The following KALRN variants were observed in gnomAD, a reference collection of about 807,000 sequenced individuals.
KALRN encodes kalirin RhoGEF kinase, also known as kalirin.
KALRN carries 70 observed loss-of-function variants against 353.7 expected under a neutral mutation model. The ratio of observed to expected loss-of-function variants is 0.20; its 90% confidence interval spans 0.16 to 0.24. The LOEUF (loss-of-function observed/expected upper bound fraction) is 0.24, where lower values mean the gene tolerates loss of function less well. Among genes scored for constraint, KALRN ranks in the 10% least tolerant of loss-of-function variants. The pLI is 1.00. For synonymous variants in KALRN, 1,391 were observed against 1,434.8 expected (o/e 0.97, Z 0.69); for missense variants, 2,791 against 3,756.7 (o/e 0.74, Z 6.72).
intron 6 of KALRN, among the ~76,000 whole-genome samples, chr3:124,306,445 A>C (rs1439942870): frequency 2.3e-5 from 2 of 86,546 alleles, no homozygotes; most frequent in South Asian, 7.4e-4. Flanking sequence ...TATGAAGAAC[A>C]GAGAGAAAAA....
intron 1 of KALRN, among the ~76,000 whole-genome samples, chr3:124,194,870 A>G (rs1288918095): frequency 6.6e-6 from 1 of 152,118 alleles, no homozygotes; most frequent in African/African-American, 2.4e-5. Flanking sequence ...AAAGGGTTGC[A>G]TGCTGAGGAG....
intron 3 of KALRN, among the ~76,000 whole-genome samples, chr3:124,263,735 T>C (rs780985704): frequency 1.3e-5 from 2 of 152,172 alleles, no homozygotes; most frequent in African/African-American, 2.4e-5. Flanking sequence ...TTTGAAAAAG[T>C]ATTCTTTGGC....
chr3:124,612,568 C>G (rs886850905), intron 34 of KALRN, among the ~76,000 whole-genome samples: 3 of 152,192 alleles, frequency 2.0e-5, no homozygotes, highest in Non-Finnish European at 4.4e-5. Context: ...AACTCCTCAC[C>G]TCAGGTGATC....
chr3:124,112,335 A>C (rs1300468823), intron 1 of KALRN, among the ~76,000 whole-genome samples: 1 of 151,856 alleles, frequency 6.6e-6, no homozygotes, highest in Non-Finnish European at 1.5e-5. Context: ...TCCTCCAAAA[A>C]CTTGGAAACA....
At chr3:124,196,264 C>A (rs1394283049) in intron 1 of KALRN, among the ~76,000 whole-genome samples, 1 of 151,976 alleles carries the variant, frequency 6.6e-6, no homozygotes, top group African/African-American at 2.4e-5. Context: ...GTTTTAAAGG[C>A]CAGTTGGGTA....
chr3:124,242,204 A>G (rs2080546170), intron 3 of KALRN, among the ~76,000 whole-genome samples: 1 of 152,224 alleles, frequency 6.6e-6, no homozygotes, highest in Non-Finnish European at 1.5e-5. Flanking sequence ...CAGTTCCAAT[A>G]ATGTGGCTTA....
chr3:124,135,180 G>A (rs2065781370), intron 1 of KALRN, among the ~76,000 whole-genome samples: 1 of 152,144 alleles, frequency 6.6e-6, no homozygotes, highest in African/African-American at 2.4e-5. Context: ...TACATATGAT[G>A]GAATACTACT....
At chr3:124,587,194 C>T (rs2075283312) in intron 34 of KALRN, among the ~76,000 whole-genome samples, 1 of 152,156 alleles carries the variant, frequency 6.6e-6, no homozygotes, top group African/African-American at 2.4e-5. Context: ...AGGGAAAATA[C>T]AATGGAAAGG....
At chr3:124,225,842 T>C (rs1203970439) in intron 1 of KALRN, among the ~76,000 whole-genome samples, 4 of 152,190 alleles carry the variant, frequency 2.6e-5, no homozygotes, top group African/African-American at 7.2e-5. Flanking sequence ...TAGAAAAAAA[T>C]AGGAAAAGAG....
chr3:124,512,077 A>G (rs2065966497), intron 33 of KALRN, among the ~76,000 whole-genome samples: 1 of 152,204 alleles, frequency 6.6e-6, no homozygotes. Context: ...TGTTTTATGT[A>G]TATATCTCTG....
chr3:124,472,819 C>T (rs2061071022), intron 25 of KALRN, among the ~76,000 whole-genome samples: 1 of 152,112 alleles, frequency 6.6e-6, no homozygotes, highest in African/African-American at 2.4e-5. Context: ...AAATATGACA[C>T]TTTATTGACT....
chr3:124,565,596 C>A (rs1230231460), intron 34 of KALRN, among the ~76,000 whole-genome samples: 1 of 152,232 alleles, frequency 6.6e-6, no homozygotes, highest in Non-Finnish European at 1.5e-5. Context: ...AAATCAAGCA[C>A]AGCAATTCAT....
rs1383167036 is a variant in KALRN at position 124,633,851 on chromosome 3, G to A, written c.5467-1G>A. 1 of 1,613,486 alleles carries A rather than the reference G, an allele frequency of 6.2e-7. No homozygotes were observed. Among genetic ancestry groups the A allele is most frequent in the Non-Finnish European group, 8.5e-7 (1 of 1,179,652 alleles). On this transcript the variant is annotated splice_acceptor_variant, in intron 35 of 59. Coordinates refer to ENST00000682506, the MANE Select transcript of KALRN (RefSeq NM_001388419.1). LOFTEE classifies it high-confidence loss of function. ...CTAATGCTGCTCTTTTGTTCTAGAAGAGCAAGAAAGGTTGGGGTGAAGATG... is the reference window on the plus strand; with the variant it reads ...CTAATGCTGCTCTTTTGTTCTAGAAAAGCAAGAAAGGTTGGGGTGAAGATG...
Position 124,646,071 on chromosome 3 carries a change from A to G in KALRN, c.5665-4737A>G, listed in dbSNP as rs373242062. ...CTTAATAGCCATCCTAACAGTTGTG[A>G]TATGCAAATTTTTATCAAAGAGGAG... On this transcript the variant is annotated intron_variant, in intron 37 of 59. Transcript: ENST00000682506. 2.6e-5 allele frequency among the ~76,000 whole-genome samples: 4 copies of G among 152,086 alleles called. No homozygotes were observed. The East Asian group carries it at 7.7e-4, about 29-fold the overall frequency.
At chr3:124,473,114 A>G (rs186337587) in intron 25 of KALRN, among the ~76,000 whole-genome samples, 2 of 152,362 alleles carry the variant, frequency 1.3e-5, no homozygotes, top group African/African-American at 4.8e-5. Context: ...AATTGCACAT[A>G]CATATTTTTA....
chr3:124,100,222 G>GTTGTTTTGTT (rs754058197), intron 1 of KALRN: 1 of 152,104 alleles, frequency 6.6e-6, no homozygotes, highest in South Asian at 2.1e-4. Flanking sequence ...GATTATTTGG[G>GTTGTTTTGTT]TTGTTTTGTT....
At chr3:124,496,962 G>A (rs1264385342) in intron 33 of KALRN, among the ~76,000 whole-genome samples, 5 of 152,222 alleles carry the variant, frequency 3.3e-5, no homozygotes, top group Non-Finnish European at 7.3e-5. Context: ...GATTATTGGG[G>A]CTCAGTTGCT....
intron 5 of KALRN, among the ~76,000 whole-genome samples, chr3:124,286,082 C>CCTTCCTTCCTTTCTTTCTTT (rs1553893895): frequency 7.3e-4 from 75 of 102,246 alleles, no homozygotes; most frequent in Non-Finnish European, 1.2e-3. Context: ...TTCTTTCCTT[C>CCTTCCTTCCTTTCTTTCTTT]CTTTCTTTCT....
intron 23 of KALRN, among the ~76,000 whole-genome samples, chr3:124,461,481 C>T (rs1288303706): frequency 6.6e-6 from 1 of 152,120 alleles, no homozygotes; most frequent in Non-Finnish European, 1.5e-5. Flanking sequence ...CAGAAATCTT[C>T]ATTCTGGGAG....
Sources: allele counts gnomAD v4.1 joint callset (sites outside exome capture counted in the v4.1 genomes callset), GRCh38; gene constraint gnomAD v4.1.1; transcripts MANE v1.5; gene names NCBI Gene and HGNC (gene_info 2026-07-23, HGNC 2026-07-21).